TMEM163: variants seen among roughly 807,000 people sequenced by gnomAD.
The protein encoded by TMEM163 is transmembrane protein 163.
In TMEM163, 17 loss-of-function variants were observed where a neutral mutation model predicts 29.3. The ratio of observed to expected loss-of-function variants is 0.58; its 90% CI spans 0.40 to 0.87. TMEM163 has a LOEUF of 0.87. TMEM163 is among the 40% of genes least tolerant of loss of function. The probability of loss-of-function intolerance (pLI) is 0.00; values close to 1 mark genes in which losing one functional copy is unlikely to be tolerated. For missense variants in TMEM163, 303 were observed against 381.5 expected, an observed-to-expected ratio of 0.79 and a Z score of 1.71; for synonymous variants, 157 against 160.6, an observed-to-expected ratio of 0.98 and a Z score of 0.17.
At chr2:134,481,470 A>G (rs1679179286) in intron 5 of TMEM163, among the ~76,000 whole-genome samples, 1 of 152,110 alleles carries the variant, frequency 6.6e-6, no homozygotes, top group African/African-American at 2.4e-5. Context: ...TTTCCTGCAC[A>G]AGCTCTCTTA....
At chr2:134,623,873 G>T (rs774878235) in intron 2 of TMEM163, among the ~76,000 whole-genome samples, 1 of 152,134 alleles carries the variant, frequency 6.6e-6, no homozygotes, top group Non-Finnish European at 1.5e-5. Flanking sequence ...CTCTGACCCC[G>T]AATTTAGTAC....
At chr2:134,694,171 G>A (rs562189752) in intron 2 of TMEM163, among the ~76,000 whole-genome samples, 1 of 152,218 alleles carries the variant, frequency 6.6e-6, no homozygotes, top group Non-Finnish European at 1.5e-5. Context: ...CTATGTGCTT[G>A]CTAAGTGTTA....
chr2:134,677,597 C>T (rs1467906640), intron 2 of TMEM163, among the ~76,000 whole-genome samples: 1 of 152,040 alleles, frequency 6.6e-6, no homozygotes, highest in African/African-American at 2.4e-5. Context: ...TCACCCAAGA[C>T]CAGCAGTGTA....
intron 6 of TMEM163, among the ~76,000 whole-genome samples, chr2:134,464,508 G>C (rs1176047628): frequency 6.6e-6 from 1 of 152,134 alleles, no homozygotes; most frequent in African/African-American, 2.4e-5. Flanking sequence ...AGGATGTCAG[G>C]TCCTGTAACC....
chr2:134,593,490 A>T (rs1681986022), intron 2 of TMEM163, among the ~76,000 whole-genome samples: 1 of 152,130 alleles, frequency 6.6e-6, no homozygotes, highest in Admixed American at 6.5e-5. Flanking sequence ...AACACTTAAA[A>T]AGGCACATGC....
intron 4 of TMEM163, among the ~76,000 whole-genome samples, chr2:134,528,493 G>A (rs1680342991): frequency 6.6e-6 from 1 of 152,082 alleles, no homozygotes; most frequent in Non-Finnish European, 1.5e-5. Context: ...TTATAACATT[G>A]TTATGAATGA....
intron 2 of TMEM163, among the ~76,000 whole-genome samples, chr2:134,595,191 G>C (rs1426691416): frequency 6.6e-6 from 1 of 151,732 alleles, no homozygotes; most frequent in Non-Finnish European, 1.5e-5. Context: ...GTATACATGT[G>C]CCATGTTGGT....
At chr2:134,548,050 C>A (rs924834175) in intron 4 of TMEM163, among the ~76,000 whole-genome samples, 1 of 152,068 alleles carries the variant, frequency 6.6e-6, no homozygotes, top group Admixed American at 6.6e-5. Flanking sequence ...AATTGGAAAA[C>A]CCTGAATTCA....
At chr2:134,510,976 C>T (rs1265115652) in intron 4 of TMEM163, among the ~76,000 whole-genome samples, 1 of 152,152 alleles carries the variant, frequency 6.6e-6, no homozygotes. Context: ...GACTCGTGGC[C>T]CAAGGTCTTC....
chr2:134,718,796 T>G lies in TMEM163; in HGVS notation c.140A>C (p.Glu47Ala), dbSNP rs1291025065. Residue 47 changes from glutamate (E) to alanine (A), a missense_variant, in exon 1 of 8, where the codon GAG becomes GCG. Glu to Ala is a moderately radical substitution (Grantham distance 107, BLOSUM62 -1). Around this residue, in one of 2 missense-constraint regions of TMEM163, gnomAD observed 100 missense variants for 87.2 expected, o/e 1.15. Coordinates refer to ENST00000281924, the MANE Select transcript of TMEM163 (RefSeq NM_030923.5). Reference sequence around the variant, plus strand: ...GCTGATCCGCACCTGCCGCTCCTCCTCCAGCTGGGGCGGCTCGCGCACCGG... The same window carrying G: ...GCTGATCCGCACCTGCCGCTCCTCCGCCAGCTGGGGCGGCTCGCGCACCGG... ...SSPVREPPQLEEERQVRISES... is the reference protein window; with the variant it reads ...SSPVREPPQLAEERQVRISES... The G allele has an allele frequency of 8.7e-7, 1 of 1,145,906 alleles. No homozygotes were observed. The highest frequency in any genetic ancestry group is 1.1e-6 in the Non-Finnish European group (1 of 933,216). The allele number at this position is 1,145,906 out of a possible 1,614,324, so 71.0% of individuals were successfully genotyped here. A position where few individuals can be genotyped will look rare whatever the true frequency, so the allele number is the denominator to read the frequency against.
At chr2:134,630,219 C>T (rs1319745128) in intron 2 of TMEM163, among the ~76,000 whole-genome samples, 2 of 152,018 alleles carry the variant, frequency 1.3e-5, no homozygotes, top group Non-Finnish European at 2.9e-5. Flanking sequence ...TAATTATACA[C>T]ATGAAAATAT....
intron 5 of TMEM163, among the ~76,000 whole-genome samples, chr2:134,470,809 A>G (rs1686782997): frequency 6.6e-6 from 1 of 152,170 alleles, no homozygotes; most frequent in Non-Finnish European, 1.5e-5. Flanking sequence ...TCCTCTCTCC[A>G]CACGGCTGCC....
Position 134,713,196 on chromosome 2 carries a change from T to G in TMEM163, c.322+4A>C. The G allele has an allele frequency of 6.2e-7, 1 of 1,613,236 alleles. No individual in the cohort carries two copies. The highest frequency in any genetic ancestry group is 8.5e-7 in the Non-Finnish European group (1 of 1,179,734). On this transcript the variant is annotated splice_donor_region_variant and intron_variant, in intron 2 of 7. Transcript: ENST00000281924. The stretch of plus-strand genomic sequence containing the variant: ...TATTGGCCGACGAGACCCTTGATAC[T>G]CACTAAAGGCAGCCACCGCGAGGGC...
chr2:134,712,434 C>A (rs1684945736), intron 2 of TMEM163, among the ~76,000 whole-genome samples: 1 of 149,690 alleles, frequency 6.7e-6, no homozygotes. Flanking sequence ...GTAATAAATT[C>A]GTCACAAAAT....
At chr2:134,477,966 C>A (rs1686957710) in intron 5 of TMEM163, among the ~76,000 whole-genome samples, 1 of 152,130 alleles carries the variant, frequency 6.6e-6, no homozygotes, top group Non-Finnish European at 1.5e-5. Context: ...ATCATGGGGG[C>A]AGATCCCTCA....
chr2:134,561,488 A>G (rs1420966303), intron 2 of TMEM163, among the ~76,000 whole-genome samples: 2 of 151,468 alleles, frequency 1.3e-5, no homozygotes, highest in Non-Finnish European at 2.9e-5. Context: ...CTGGGACTAC[A>G]GGCACCCACC....
intron 2 of TMEM163, among the ~76,000 whole-genome samples, chr2:134,639,263 C>T (rs1005459881): frequency 1.3e-5 from 2 of 152,120 alleles, no homozygotes; most frequent in African/African-American, 2.4e-5. Flanking sequence ...GTTTGGCATT[C>T]GTAAGCTGAA....
intron 2 of TMEM163, among the ~76,000 whole-genome samples, chr2:134,608,925 G>A (rs1451599109): frequency 1.4e-5 from 1 of 71,036 alleles, no homozygotes; most frequent in Non-Finnish European, 2.7e-5. Flanking sequence ...GAACTGTGCT[G>A]GTGAAAAGGA....
At chr2:134,570,947 C>G (rs943937999) in intron 2 of TMEM163, among the ~76,000 whole-genome samples, 4 of 152,200 alleles carry the variant, frequency 2.6e-5, no homozygotes, top group Admixed American at 2.6e-4. Context: ...AATGCGTTCT[C>G]ATTTATTTTG....
Sources: allele counts gnomAD v4.1 joint callset (sites outside exome capture counted in the v4.1 genomes callset), GRCh38; gene constraint gnomAD v4.1.1; regional missense constraint gnomAD v4.1.1; transcripts MANE v1.5; gene names NCBI Gene and HGNC (gene_info 2026-07-23, HGNC 2026-07-21).